ABCA13: variants seen among roughly 807,000 people sequenced by gnomAD.
ABCA13 encodes ATP-binding cassette sub-family A member 13.
Under a neutral mutation model 478.7 loss-of-function variants are expected in ABCA13, and 476 were observed. That is an observed-to-expected ratio of 0.99 (90% CI 0.92 to 1.07). The LOEUF is 1.07. Ranked by LOEUF, ABCA13 falls within the 50% of genes least tolerant of loss-of-function variation. The pLI is 0.00. For missense variants in ABCA13, 6,060 were observed against 5,910.6 expected, an observed-to-expected ratio of 1.03 and a Z score of -0.83; for synonymous variants, 2,252 against 2,158.9, an observed-to-expected ratio of 1.04 and a Z score of -1.20.
chr7:48,407,597 C>T (rs772044556), intron 39 of ABCA13, among the ~76,000 whole-genome samples: 2 of 151,918 alleles, frequency 1.3e-5, no homozygotes, highest in Non-Finnish European at 2.9e-5. Flanking sequence ...TGCTCTGTCT[C>T]TTAGGCTGGA....
chr7:48,188,912 G>A (rs548935921), intron 1 of ABCA13, among the ~76,000 whole-genome samples: 1 of 152,310 alleles, frequency 6.6e-6, no homozygotes, highest in East Asian at 1.9e-4. Context: ...TTGCGGATGG[G>A]AAGCTCCGGG....
chr7:48,200,932 C>A (rs1798597536), intron 3 of ABCA13, among the ~76,000 whole-genome samples: 1 of 152,184 alleles, frequency 6.6e-6, no homozygotes, highest in Non-Finnish European at 1.5e-5. Context: ...GTTGGGGAAA[C>A]CAGCCCCACA....
intron 47 of ABCA13, among the ~76,000 whole-genome samples, chr7:48,484,882 C>A (rs1427199653): frequency 1.3e-5 from 2 of 152,216 alleles, no homozygotes; most frequent in Non-Finnish European, 2.9e-5. Flanking sequence ...GCGGCTGATA[C>A]TGCTTCAAAT....
intron 8 of ABCA13, among the ~76,000 whole-genome samples, chr7:48,236,653 A>G (rs910467215): frequency 1.3e-5 from 2 of 152,202 alleles, no homozygotes; most frequent in African/African-American, 4.8e-5. Context: ...TTTCTCCAAT[A>G]AAAACCCTTG....
At position 48,389,178 on chromosome 7, in the gene ABCA13, C is replaced by A; in HGVS notation, c.11612C>A (p.Thr3871Asn). The change falls in exon 37 of 62, where the codon ACC becomes AAC. Residue 3871 changes from threonine to asparagine, a missense_variant. Around this residue, in one of 3 missense-constraint regions of ABCA13, gnomAD observed 1,627 missense variants for 1,571.0 expected, o/e 1.04. Transcript: ENST00000435803. ...CTGACCTTCTACAGAGACCAAATCA[C>A]CGCCCTGCTGGGGACAAACGGTGCC... ...LSLTFYRDQI[T>N]ALLGTNGAGK... 6.2e-7 allele frequency: 1 copy of A among 1,613,926 alleles called. No homozygotes were observed. The highest frequency in any genetic ancestry group is 2.2e-5 in the East Asian group (1 of 44,876).
Position 48,411,061 on chromosome 7 carries a change from C to A in ABCA13, c.12228+384C>A. Among the ~76,000 whole-genome samples the A allele has an allele frequency of 1.7e-5, 2 of 118,514 alleles. 1 individual carries two copies. Among genetic ancestry groups the A allele is most frequent in the Non-Finnish European group, 3.6e-5 (2 of 55,580 alleles). 77.7% of individuals were successfully genotyped at this position (118,514 alleles called of 152,430 possible). A position where few individuals can be genotyped will look rare whatever the true frequency, so the allele number is the denominator to read the frequency against. On this transcript the variant is annotated intron_variant, in intron 40 of 61. Coordinates refer to ENST00000435803, the MANE Select transcript of ABCA13 (RefSeq NM_152701.5). ...TTTCTTTCTTTCTTTTTCTTTCTTT[C>A]TTTCTTTCTTTTTCTTTCTTTCTCT...
At chr7:48,500,592 T>C (rs1258795466) in intron 48 of ABCA13, among the ~76,000 whole-genome samples, 1 of 152,204 alleles carries the variant, frequency 6.6e-6, no homozygotes, top group Non-Finnish European at 1.5e-5. Context: ...AACGAATGAC[T>C]ATGATTCTAA....
At chr7:48,224,015 CAG>C (rs954252722) in intron 5 of ABCA13, among the ~76,000 whole-genome samples, 2 of 148,426 alleles carry the variant, frequency 1.3e-5, no homozygotes, top group African/African-American at 5.0e-5. Flanking sequence ...TAAGTGGAGA[CAG>C]AGAGTGTATA....
intron 41 of ABCA13, among the ~76,000 whole-genome samples, chr7:48,418,279 C>T (rs1385217134): frequency 6.6e-6 from 1 of 152,202 alleles, no homozygotes; most frequent in Non-Finnish European, 1.5e-5. Flanking sequence ...TCCAAAGTAC[C>T]TGCACCATTT....
At position 48,594,391 on chromosome 7, in the gene ABCA13, G is replaced by A. The variant is rs6977193; in HGVS notation, c.14641-319G>A. Among the ~76,000 whole-genome samples the A allele has an allele frequency of 7.6e-3, 1,154 of 151,252 alleles. 12 individuals carry two copies. The highest frequency in any genetic ancestry group is 0.027 in the African/African-American group (1,095 of 41,190). On this transcript the variant is annotated intron_variant, in intron 57 of 61. Transcript: ENST00000435803. ...TTTTTATTTCATTTTATTTTTCTGC[G>A]CCAGTATTTCTATTTGGTTCTTTTT... is the stretch of plus-strand genomic sequence containing the variant.
intron 15 of ABCA13, 150 bp downstream of exon 15, chr7:48,249,501 T>C: frequency 9.5e-7 from 1 of 1,048,726 alleles, no homozygotes; most frequent in Non-Finnish European, 1.4e-6. Flanking sequence ...TTACTTCATA[T>C]AATTTTTTCT....
chr7:48,601,993 A>C (rs1390951905), intron 58 of ABCA13, among the ~76,000 whole-genome samples: 2 of 152,032 alleles, frequency 1.3e-5, no homozygotes, highest in Non-Finnish European at 2.9e-5. Context: ...GCTTTTTTTC[A>C]TATGTTTGTT....
chr7:48,347,249 A>G (rs559956518), intron 29 of ABCA13, among the ~76,000 whole-genome samples: 1 of 152,352 alleles, frequency 6.6e-6, no homozygotes, highest in South Asian at 2.1e-4. Context: ...ATTTTGGGGA[A>G]AATGAGACAT....
rs747368238 is a variant in ABCA13, at chr7:48,427,832, C to G, written c.12526C>G (p.Leu4176Val). 1.2e-6 allele frequency: 2 copies of G among 1,612,356 alleles called. No individual in the cohort carries two copies. Among genetic ancestry groups the G allele is most frequent in the Non-Finnish European group, 1.7e-6 (2 of 1,179,178 alleles). ...CATTGCCCTGGGGACTGAGTCAGAG[C>G]TGCAGAACCACAGGCCTACAGGACA... ...SHIALGTESELQNHRPTGHLS... is the reference protein window; with the variant it reads ...SHIALGTESEVQNHRPTGHLS... Residue 4176 changes from leucine (L) to valine (V), a missense_variant, in exon 42 of 62, where the codon CTG (leucine) becomes GTG (valine). By Grantham distance (32) the Leu-to-Val change is conservative (BLOSUM62 1). This residue lies in a region of ABCA13 where 1,627 missense variants were observed against 1,571.0 expected (regional missense o/e 1.04). Coordinates refer to ENST00000435803, the MANE Select transcript of ABCA13 (RefSeq NM_152701.5).
intron 58 of ABCA13, among the ~76,000 whole-genome samples, chr7:48,612,805 A>G (rs980993999): frequency 6.6e-6 from 1 of 152,084 alleles, no homozygotes; most frequent in Non-Finnish European, 1.5e-5. Flanking sequence ...TTTTACTCCC[A>G]CCAGCAATAT....
intron 28 of ABCA13, 66 bp downstream of exon 28, chr7:48,335,601 G>A: frequency 7.8e-7 from 1 of 1,284,204 alleles, no homozygotes; most frequent in Middle Eastern, 2.0e-4. Context: ...GAGACATCAG[G>A]GCTGCCCTGT....
At chr7:48,287,140 C>T (rs1264160507) in intron 19 of ABCA13, among the ~76,000 whole-genome samples, 4 of 152,070 alleles carry the variant, frequency 2.6e-5, no homozygotes, top group Non-Finnish European at 4.4e-5. Context: ...CTAAAAGATA[C>T]GTAGGTTCAG....
chr7:48,419,412 T>C (rs80109349), intron 41 of ABCA13, among the ~76,000 whole-genome samples: 2 of 152,246 alleles, frequency 1.3e-5, no homozygotes, highest in East Asian at 1.9e-4. Context: ...ATTTATGTAC[T>C]TCATATGTAA....
rs963911866 is a variant in ABCA13 at position 48,499,055 on chromosome 7, G to A, written c.13292-7281G>A. On this transcript the variant is annotated intron_variant, in intron 48 of 61. Transcript: ENST00000435803. ...ATTACTTCTGATTGGTTTTGGATAG[G>A]ATTATAAGTTATTTTAATTTTATTC... 1.8e-4 allele frequency among the ~76,000 whole-genome samples: 28 copies of A among 152,102 alleles called. 1 individual carries two copies. The highest frequency in any genetic ancestry group is 6.3e-4 in the African/African-American group (26 of 41,426).
Sources: gnomAD v4.1 joint callset for allele counts (sites outside exome capture counted in the v4.1 genomes callset) on GRCh38, gnomAD v4.1.1 for gene constraint, gnomAD v4.1.1 regional missense constraint, MANE v1.5 for transcripts, NCBI Gene and HGNC (gene_info 2026-07-23, HGNC 2026-07-21) for gene names.